Variants in GYG2 observed in about 807,000 individuals in gnomAD.
The protein encoded by GYG2 is glycogenin-2.
In GYG2, 29 loss-of-function variants were observed where a neutral mutation model predicts 29.4. That is an observed-to-expected ratio of 0.99 (90% CI 0.74 to 1.35). GYG2 has a LOEUF of 1.35. Among genes scored for constraint, GYG2 ranks in the 40% most tolerant of loss-of-function variants. The pLI is 0.00. For missense variants in GYG2, 370 were observed against 385.7 expected (o/e 0.96, Z 0.34); for synonymous variants, 167 against 172.3 (o/e 0.97, Z 0.24).
At position 2,845,069 on chromosome X, in the gene GYG2, ATATT is replaced by A. The variant is rs749360680; in HGVS notation, c.149+1719_149+1722del. On this transcript the variant is annotated intron_variant, in intron 3 of 10. Transcript: ENST00000398806. ...TATGTATATATACACGTGTGTATGT[ATATT>A]TATATACACGTGTGTATGTATATTT... 3.5e-3 allele frequency among the ~76,000 whole-genome samples: 305 copies of A among 87,791 alleles called. 20 individuals carry two copies. The highest frequency in any genetic ancestry group is 0.013 in the African/African-American group (248 of 19,518). 76.2% of individuals were successfully genotyped at this position (87,791 alleles called of 115,157 possible).
rs2088743656 is a variant in GYG2 at position 2,882,785 on chromosome X, T to G, written c.*1572T>G. ...GCCTGTATCATCTCATTTGGACAAA[T>G]GCTGGCACGTTGAAATTAAAATGTT... On this transcript the variant is annotated 3_prime_UTR_variant, in exon 11 of 11. Coordinates refer to ENST00000398806, the MANE Select transcript of GYG2 (RefSeq NM_001079855.2). 1 of 110,806 alleles carries G rather than the reference T, an allele frequency of 9.0e-6. No homozygotes were observed. The allele number at this position is 110,806 out of a possible 1,213,427, so 9.1% of individuals were successfully genotyped here. A position where few individuals can be genotyped will look rare whatever the true frequency, so the allele number is the denominator to read the frequency against.
intron 2 of GYG2, among the ~76,000 whole-genome samples, chrX:2,838,584 C>A (rs1396605016): frequency 9.2e-6 from 1 of 108,626 alleles, no homozygotes; most frequent in South Asian, 4.1e-4. Context: ...TCTTTGAAAA[C>A]TTTTCTTCTC....
chrX:2,866,444 G>A (rs1444561119), intron 8 of GYG2, among the ~76,000 whole-genome samples: 2 of 111,734 alleles, frequency 1.8e-5, no homozygotes, highest in African/African-American at 6.5e-5. Flanking sequence ...GCGGTGAGCC[G>A]AGATCACGCT....
chrX:2,870,275 C>G (rs1189988855), intron 8 of GYG2, among the ~76,000 whole-genome samples: 1 of 110,731 alleles, frequency 9.0e-6, no homozygotes, highest in Non-Finnish European at 1.9e-5. Flanking sequence ...GATCTCGGCT[C>G]ACTGAAGCCT....
chrX:2,874,096 TA>T (rs771262142), intron 8 of GYG2, among the ~76,000 whole-genome samples: 1 of 100,265 alleles, frequency 1.0e-5, no homozygotes, highest in Non-Finnish European at 2.0e-5. Flanking sequence ...AAAAATAAAA[TA>T]AAATAAATAA....
chrX:2,858,946 G>A (rs186224749), intron 6 of GYG2, among the ~76,000 whole-genome samples: 28 of 111,081 alleles, frequency 2.5e-4, no homozygotes, highest in East Asian at 8.5e-4. Flanking sequence ...TGCCCCTGTC[G>A]TTTTAAGGAT....
chrX:2,839,593 A>T (rs1330369456), intron 2 of GYG2, among the ~76,000 whole-genome samples: 8 of 111,145 alleles, frequency 7.2e-5, no homozygotes, highest in Admixed American at 5.8e-4. Context: ...ATAAAAAGTG[A>T]TTGGTGGTTG....
chrX:2,872,305 G>A (rs376772548), intron 8 of GYG2, among the ~76,000 whole-genome samples: 3 of 112,548 alleles, frequency 2.7e-5, no homozygotes, highest in East Asian at 5.5e-4. Context: ...GTTCTTAAGA[G>A]CGGACTTTGA....
At chrX:2,865,206 C>G (rs1475859421) in intron 8 of GYG2, among the ~76,000 whole-genome samples, 1 of 111,403 alleles carries the variant, frequency 9.0e-6, no homozygotes, top group East Asian at 2.8e-4. Flanking sequence ...CCCCTGAAAA[C>G]AAGCTTCCCA....
intron 6 of GYG2, among the ~76,000 whole-genome samples, chrX:2,857,685 C>T (rs966165964): frequency 9.0e-6 from 1 of 110,516 alleles, no homozygotes; most frequent in Non-Finnish European, 1.9e-5. Flanking sequence ...TATGTATATA[C>T]ACACACAGAA....
chrX:2,874,306 T>C (rs2088545139), intron 8 of GYG2, among the ~76,000 whole-genome samples: 1 of 112,273 alleles, frequency 8.9e-6, no homozygotes, highest in Non-Finnish European at 1.9e-5. Flanking sequence ...CTTAGGGCAT[T>C]GCACATGCTG....
chrX:2,836,386 C>A (rs193281333), intron 2 of GYG2, among the ~76,000 whole-genome samples: 80 of 111,010 alleles, frequency 7.2e-4, no homozygotes, highest in African/African-American at 2.5e-3. Context: ...GTTTTCTAGT[C>A]TGGTGCGGTG....
At chrX:2,850,001 C>T (rs147615610) in intron 3 of GYG2, among the ~76,000 whole-genome samples, 4 of 110,821 alleles carry the variant, frequency 3.6e-5, no homozygotes, top group African/African-American at 9.9e-5. Flanking sequence ...CCTGTAGTCC[C>T]AGTTACTCAG....
intron 8 of GYG2, among the ~76,000 whole-genome samples, chrX:2,866,646 T>C (rs5982597): frequency 0.019 from 2,095 of 111,168 alleles, 51 homozygotes; most frequent in African/African-American, 0.065. Flanking sequence ...CAGTAATCTA[T>C]AGTTTCAAAT....
intron 10 of GYG2, chrX:2,877,818 C>T (rs183667019): frequency 2.6e-4 from 196 of 747,953 alleles, no homozygotes; most frequent in Middle Eastern, 7.6e-4. Context: ...CAATTGCTAA[C>T]GTTTTCTCTT....
intron 2 of GYG2, among the ~76,000 whole-genome samples, chrX:2,831,658 G>T (rs1357543913): frequency 8.9e-6 from 1 of 111,766 alleles, no homozygotes; most frequent in Non-Finnish European, 1.9e-5. Context: ...CATTCAAGAC[G>T]GACATTCGCA....
rs141590552 is a variant in GYG2 at position 2,866,452 on chromosome X, G to A, written c.1038+4730G>A. On this transcript the variant is annotated intron_variant, in intron 8 of 10. Coordinates refer to ENST00000398806, the MANE Select transcript of GYG2 (RefSeq NM_001079855.2). Reference sequence around the variant, plus strand: ...CGAGGCTGCGGTGAGCCGAGATCACGCTGCTGCACTCCAGCCTGGGCAGCA... The same window carrying A: ...CGAGGCTGCGGTGAGCCGAGATCACACTGCTGCACTCCAGCCTGGGCAGCA... Among the ~76,000 whole-genome samples, 1,030 of 111,792 alleles carry A rather than the reference G, an allele frequency of 9.2e-3. 9 individuals are homozygous for A. Among genetic ancestry groups the A allele is most frequent in the Non-Finnish European group, 0.013 (703 of 53,120 alleles).
chrX:2,865,183 C>T (rs1466052348), intron 8 of GYG2, among the ~76,000 whole-genome samples: 3 of 111,482 alleles, frequency 2.7e-5, no homozygotes, highest in East Asian at 2.8e-4. Context: ...GGGATTTCCA[C>T]GGATTGTCAC....
At chrX:2,871,954 G>T (rs902789861) in intron 8 of GYG2, among the ~76,000 whole-genome samples, 3 of 111,772 alleles carry the variant, frequency 2.7e-5, no homozygotes, top group Admixed American at 1.9e-4. Flanking sequence ...CTTTTTTGCT[G>T]TAAATGTTAT....
Sources: allele counts gnomAD v4.1 joint callset (sites outside exome capture counted in the v4.1 genomes callset), GRCh38; gene constraint gnomAD v4.1.1; transcripts MANE v1.5; gene names NCBI Gene and HGNC (gene_info 2026-07-23, HGNC 2026-07-21).